Variants in MAGI1 observed in about 807,000 individuals in gnomAD.
MAGI1 encodes the protein membrane associated guanylate kinase, WW and PDZ domain containing 1, also known as membrane-associated guanylate kinase, WW and PDZ domain-containing protein 1.
MAGI1 carries 58 observed loss-of-function variants against 139.9 expected under a neutral mutation model. That is an observed-to-expected ratio of 0.41 (90% CI 0.34 to 0.52). The LOEUF (loss-of-function observed/expected upper bound fraction) is 0.52, where lower values mean the gene tolerates loss of function less well. Ranked by LOEUF, MAGI1 falls within the 20% of genes least tolerant of loss-of-function variation. MAGI1 has a pLI of 0.12. For missense variants in MAGI1, 1,874 were observed against 1,901.6 expected, an observed-to-expected ratio of 0.99 and a Z score of 0.27; for synonymous variants, 812 against 737.9, an observed-to-expected ratio of 1.10 and a Z score of -1.63.
chr3:65,891,939 T>TATAC (rs2060787168), intron 1 of MAGI1, among the ~76,000 whole-genome samples: 1 of 99,384 alleles, frequency 1.0e-5, no homozygotes. Flanking sequence ...TATATATATA[T>TATAC]ATACCCGTGT....
chr3:65,587,946 C>A (rs891065849), intron 2 of MAGI1, among the ~76,000 whole-genome samples: 1 of 152,162 alleles, frequency 6.6e-6, no homozygotes, highest in Non-Finnish European at 1.5e-5. Flanking sequence ...AGAAGCTCAA[C>A]TTCCCAGTGT....
intron 3 of MAGI1, among the ~76,000 whole-genome samples, chr3:65,481,401 A>G (rs914017845): frequency 2.0e-5 from 3 of 152,226 alleles, no homozygotes; most frequent in Non-Finnish European, 4.4e-5. Flanking sequence ...TAACTTTCTC[A>G]TTAACTGAAG....
intron 2 of MAGI1, among the ~76,000 whole-genome samples, chr3:65,538,912 A>C (rs2079078754): frequency 6.6e-6 from 1 of 152,222 alleles, no homozygotes; most frequent in Non-Finnish European, 1.5e-5. Flanking sequence ...ACACCGGCAA[A>C]CAGAAACACA....
At chr3:65,977,970 G>C (rs766562049) in intron 1 of MAGI1, among the ~76,000 whole-genome samples, 1 of 152,110 alleles carries the variant, frequency 6.6e-6, no homozygotes, top group Non-Finnish European at 1.5e-5. Flanking sequence ...TTCCAGAGAG[G>C]CCTTCCCTGA....
intron 1 of MAGI1, among the ~76,000 whole-genome samples, chr3:65,670,348 G>GTGTA (rs1553688819): frequency 6.7e-6 from 1 of 149,970 alleles, no homozygotes; most frequent in Non-Finnish European, 1.5e-5. Flanking sequence ...TGCCATGTGT[G>GTGTA]TATATATATA....
intron 5 of MAGI1, among the ~76,000 whole-genome samples, chr3:65,469,568 T>C (rs1196409060): frequency 2.0e-5 from 3 of 151,984 alleles, no homozygotes; most frequent in Non-Finnish European, 4.4e-5. Context: ...TCAAACCTAA[T>C]TCATACACCT....
At chr3:65,590,615 C>CA (rs2081925661) in intron 2 of MAGI1, among the ~76,000 whole-genome samples, 1 of 152,154 alleles carries the variant, frequency 6.6e-6, no homozygotes, top group Non-Finnish European at 1.5e-5. Flanking sequence ...CTGTCCCCCC[C>CA]ATTCGTCTTT....
intron 15 of MAGI1, among the ~76,000 whole-genome samples, chr3:65,382,461 A>G (rs905208191): frequency 6.6e-6 from 1 of 152,200 alleles, no homozygotes; most frequent in Non-Finnish European, 1.5e-5. Context: ...CATCATGCCT[A>G]GGAATAGGGA....
intron 1 of MAGI1, among the ~76,000 whole-genome samples, chr3:65,777,755 A>G (rs767461933): frequency 6.6e-6 from 1 of 152,156 alleles, no homozygotes; most frequent in Non-Finnish European, 1.5e-5. Context: ...AATCCCACCT[A>G]TTTGACTGCA....
chr3:65,771,168 A>T (rs1559866349), intron 1 of MAGI1, among the ~76,000 whole-genome samples: 1 of 151,616 alleles, frequency 6.6e-6, no homozygotes, highest in East Asian at 2.0e-4. Flanking sequence ...TTAGCCAGGC[A>T]TGGTGGCATG....
intron 2 of MAGI1, among the ~76,000 whole-genome samples, chr3:65,596,551 A>T (rs1355196787): frequency 2.6e-5 from 4 of 152,208 alleles, no homozygotes; most frequent in Non-Finnish European, 5.9e-5. Flanking sequence ...CATACCCTCA[A>T]ATAATTTAGT....
At chr3:65,929,170 GA>G (rs1410074262) in intron 1 of MAGI1, among the ~76,000 whole-genome samples, 1 of 151,442 alleles carries the variant, frequency 6.6e-6, no homozygotes, top group Non-Finnish European at 1.5e-5. Flanking sequence ...AAAGAAAAAA[GA>G]AAAAAACCTG....
In MAGI1 at chr3:65,593,532, G is replaced by A. The variant is rs563914611; in HGVS notation, c.430+28440C>T. On this transcript the variant is annotated intron_variant, in intron 2 of 22. Transcript: ENST00000402939. Reference sequence around the variant, plus strand: ...TATAGGATAAACTATCTGGTTGGTGGAAAATAATATGTATCATTAAATACA... The same window carrying A: ...TATAGGATAAACTATCTGGTTGGTGAAAAATAATATGTATCATTAAATACA... Among the ~76,000 whole-genome samples, 23 of 152,264 alleles carry A rather than the reference G, an allele frequency of 1.5e-4. No individual in the cohort carries two copies. In the East Asian group the frequency reaches 4.4e-3, roughly 29 times the overall value.
At chr3:65,943,717 T>C (rs775356962) in intron 1 of MAGI1, among the ~76,000 whole-genome samples, 17 of 152,292 alleles carry the variant, frequency 1.1e-4, no homozygotes, top group South Asian at 2.1e-4. Flanking sequence ...TTCACTACAG[T>C]CACTAATCTT....
At chr3:65,380,088 C>G (rs1942919059) in intron 16 of MAGI1, among the ~76,000 whole-genome samples, 1 of 152,214 alleles carries the variant, frequency 6.6e-6, no homozygotes, top group South Asian at 2.1e-4. Flanking sequence ...ATGACAACAC[C>G]TGTGAGACAT....
chr3:65,838,716 A>C (rs995964655), intron 1 of MAGI1, among the ~76,000 whole-genome samples: 6 of 152,216 alleles, frequency 3.9e-5, no homozygotes, highest in Admixed American at 3.9e-4. Flanking sequence ...TGTGGACATA[A>C]GTTTCCATTT....
chr3:65,640,033 G>C (rs933524956), intron 1 of MAGI1, among the ~76,000 whole-genome samples: 4 of 149,308 alleles, frequency 2.7e-5, no homozygotes, highest in African/African-American at 1.0e-4. Flanking sequence ...CTTTGAGCTG[G>C]GAATCAGTTT....
At chr3:65,875,368 G>C (rs755334715) in intron 1 of MAGI1, among the ~76,000 whole-genome samples, 30 of 152,304 alleles carry the variant, frequency 2.0e-4, no homozygotes, top group African/African-American at 6.0e-4. Context: ...CTTTAAATGA[G>C]TGATTTGTAT....
At chr3:65,790,161 C>A (rs1027161685) in intron 1 of MAGI1, among the ~76,000 whole-genome samples, 2 of 152,088 alleles carry the variant, frequency 1.3e-5, no homozygotes, top group African/African-American at 4.8e-5. Flanking sequence ...TTACGCTTAC[C>A]CCGATTTCAC....
Sources: allele counts gnomAD v4.1 joint callset (sites outside exome capture counted in the v4.1 genomes callset), GRCh38; gene constraint gnomAD v4.1.1; transcripts MANE v1.5; gene names NCBI Gene and HGNC (gene_info 2026-07-23, HGNC 2026-07-21).